Variants in TMA7 observed in about 807,000 individuals in gnomAD.
The protein encoded by TMA7 is translation machinery-associated protein 7.
TMA7 carries 5 observed loss-of-function variants against 12.5 expected under a neutral mutation model. The ratio of observed to expected loss-of-function variants is 0.40; its 90% CI spans 0.21 to 0.84. The LOEUF is 0.84. Among genes scored for constraint, TMA7 ranks in the 40% least tolerant of loss-of-function variants. The pLI is 0.36. For missense variants in TMA7, 71 were observed against 75.4 expected, an observed-to-expected ratio of 0.94 and a Z score of 0.22; for synonymous variants, 36 against 28.1, an observed-to-expected ratio of 1.28 and a Z score of -0.89.
chr3:48,440,493 G>A (rs1228795071), intron 2 of TMA7, 35 bp downstream of exon 2: 12 of 1,604,224 alleles, frequency 7.5e-6, no homozygotes, highest in Non-Finnish European at 9.4e-6. Context: ...GCGGGTGCGG[G>A]GGCGCTGGGA....
chr3:48,441,169 CCACGCCTGGCTA>C (rs1243572225), intron 3 of TMA7: 1 of 153,382 alleles, frequency 6.5e-6, no homozygotes, highest in Non-Finnish European at 1.5e-5. Flanking sequence ...GCGCCTGGCA[CCACGCCTGGCTA>C]ATTTTTTTTT....
chr3:48,441,981 C>T (rs1482475872), intron 3 of TMA7, among the ~76,000 whole-genome samples: 1 of 152,150 alleles, frequency 6.6e-6, no homozygotes. Flanking sequence ...TGACCATAAT[C>T]CAAGTGCTTT....
intron 3 of TMA7, among the ~76,000 whole-genome samples, chr3:48,441,346 T>G (rs1364902611): frequency 2.1e-5 from 3 of 145,730 alleles, no homozygotes; most frequent in East Asian, 3.9e-4. Flanking sequence ...ACCTGGCCAG[T>G]TTTTTTTTGT....
intron 3 of TMA7, among the ~76,000 whole-genome samples, chr3:48,443,482 T>C (rs13324374): frequency 0.6 from 90,355 of 150,652 alleles, 27,230 homozygotes; most frequent in East Asian, 0.7. Context: ...TGCAGTGAGC[T>C]GAGATCGTGC....
rs900381063 is a variant in TMA7 at position 48,444,108 on chromosome 3, A to G, written c.*226A>G. The G allele has an allele frequency of 7.9e-6, 3 of 378,538 alleles. No homozygotes were observed. The highest frequency in any genetic ancestry group is 2.1e-5 in the African/African-American group (1 of 47,978). The allele number at this position is 378,538 out of a possible 1,614,324, so 23.4% of individuals were successfully genotyped here. The stretch of plus-strand genomic sequence containing the variant: ...TCGTTCCTACCATAACTGTGAATTT[A>G]AAGTAAAACCAGCTCAGAATCTTGC... On this transcript the variant is annotated 3_prime_UTR_variant, in exon 4 of 4. Coordinates refer to ENST00000438607, the MANE Select transcript of TMA7 (RefSeq NM_015933.6).
At chr3:48,443,241 CAAAAAAAAAAA>C (rs3082576) in intron 3 of TMA7, among the ~76,000 whole-genome samples, 1,682 of 70,650 alleles carry the variant, frequency 0.024, 37 homozygotes, top group African/African-American at 0.099. Flanking sequence ...ACTCCATCTC[CAAAAAAAAAAA>C]AAAAAAAAAA....
At chr3:48,441,652 T>G (rs1490802136) in intron 3 of TMA7, among the ~76,000 whole-genome samples, 2 of 152,214 alleles carry the variant, frequency 1.3e-5, no homozygotes, top group South Asian at 2.1e-4. Flanking sequence ...TTTTTACATC[T>G]TTTATGTAGG....
intron 3 of TMA7, among the ~76,000 whole-genome samples, chr3:48,442,321 G>C (rs2039590269): frequency 6.6e-6 from 1 of 151,760 alleles, no homozygotes; most frequent in Admixed American, 6.6e-5. Context: ...GTGTATAGGG[G>C]AAAGAACAGT....
rs2039534936 is a variant in TMA7, at chr3:48,440,564, A to G, written c.96A>G (p.Lys32=). 2.5e-6 allele frequency: 4 copies of G among 1,611,956 alleles called. No homozygotes were observed. The highest frequency in any genetic ancestry group is 2.5e-6 in the Non-Finnish European group (3 of 1,179,778). ...MDEEDKAFKQ[K]QKEEQKKLEE... ...AGGAAGATAAGGCTTTCAAGCAGAA[A>G]CAAAAAGAGGAGCAGAAGAAACTCG... is the stretch of plus-strand genomic sequence containing the variant. Residue 32 remains lysine (K), a synonymous_variant, in exon 3 of 4, where the codon AAA becomes AAG. Transcript: ENST00000438607.
At position 48,440,536 on chromosome 3, in the gene TMA7, C is replaced by T. The variant is rs1263243258; in HGVS notation, c.73-5C>T. 1.9e-6 allele frequency: 3 copies of T among 1,610,716 alleles called. No individual in the cohort carries two copies. The highest frequency in any genetic ancestry group is 1.7e-6 in the Non-Finnish European group (2 of 1,179,298). On this transcript the variant is annotated splice_region_variant and splice_polypyrimidine_tract_variant and intron_variant, in intron 2 of 3. Transcript: ENST00000438607. ...CTGAGTTGAACACGCTCTGCCTCTC[C>T]CCAGGAAGATAAGGCTTTCAAGCAG...
chr3:48,441,638 A>G (rs2039571970), intron 3 of TMA7, among the ~76,000 whole-genome samples: 1 of 151,996 alleles, frequency 6.6e-6, no homozygotes, highest in Admixed American at 6.6e-5. Flanking sequence ...TGAATCCTCC[A>G]CCTTTTTTAC....
intron 3 of TMA7, among the ~76,000 whole-genome samples, chr3:48,443,352 A>G (rs1006499488): frequency 5.9e-5 from 9 of 151,654 alleles, no homozygotes; most frequent in African/African-American, 2.2e-4. Flanking sequence ...GTTCGAGACC[A>G]GCCTGACCAA....
intron 3 of TMA7, among the ~76,000 whole-genome samples, chr3:48,442,242 T>C (rs1454416808): frequency 2.2e-5 from 3 of 138,448 alleles, no homozygotes; most frequent in East Asian, 2.1e-4. Flanking sequence ...GCCTGGGAGA[T>C]AGAATGAGAC....
Position 48,440,580 on chromosome 3 carries a change from A to G in TMA7, c.112A>G (p.Lys38Glu). ...AFKQKQKEEQ[K>E]KLEELKAKAA... The stretch of plus-strand genomic sequence containing the variant: ...CAAGCAGAAACAAAAAGAGGAGCAG[A>G]AGAAACTCGAGGAGCTAAAAGCGAA... The change falls in exon 3 of 4, where the codon AAG becomes GAG. Residue 38 changes from lysine (K) to glutamate (E), a missense_variant. Transcript: ENST00000438607. The G allele has an allele frequency of 6.2e-7, 1 of 1,611,944 alleles. No individual in the cohort carries two copies. The highest frequency in any genetic ancestry group is 8.5e-7 in the Non-Finnish European group (1 of 1,179,782).
intron 3 of TMA7, among the ~76,000 whole-genome samples, chr3:48,443,535 G>GA (rs35356755): frequency 0.022 from 2,522 of 114,480 alleles, 46 homozygotes; most frequent in African/African-American, 0.056. Context: ...TTCCATCTCA[G>GA]AAAAAAAAAA....
intron 3 of TMA7, among the ~76,000 whole-genome samples, chr3:48,443,426 C>T (rs111761521): frequency 0.048 from 7,295 of 150,970 alleles, 536 homozygotes; most frequent in African/African-American, 0.16. Context: ...CCCAGCTGCT[C>T]GGAAGGCTGA....
chr3:48,443,812 T>C, intron 3 of TMA7, 36 bp from the exon 4 acceptor site: 1 of 1,539,676 alleles, frequency 6.5e-7, no homozygotes, highest in East Asian at 2.4e-5. Flanking sequence ...GTAAGAACTA[T>C]ATTTTTCCCT....
chr3:48,440,724 G>A, intron 3 of TMA7, 96 bp downstream of exon 3: 8 of 1,120,036 alleles, frequency 7.1e-6, no homozygotes, highest in Non-Finnish European at 1.0e-5. Context: ...CTCCTGAACT[G>A]CGAGGTCTCG....
chr3:48,443,259 A>G (rs913748244), intron 3 of TMA7, among the ~76,000 whole-genome samples: 1 of 149,884 alleles, frequency 6.7e-6, no homozygotes, highest in African/African-American at 2.5e-5. Flanking sequence ...AAAAAAAAAA[A>G]AAAAAATGCT....
Sources: allele counts gnomAD v4.1 joint callset (sites outside exome capture counted in the v4.1 genomes callset), GRCh38; gene constraint gnomAD v4.1.1; transcripts MANE v1.5; gene names NCBI Gene and HGNC (gene_info 2026-07-23, HGNC 2026-07-21).